Variants in MRPS27 observed in about 807,000 individuals in gnomAD.
The protein encoded by MRPS27 is mitochondrial ribosomal protein S27.
Under a neutral mutation model 48.9 loss-of-function variants are expected in MRPS27, and 43 were observed. The ratio of observed to expected loss-of-function variants is 0.88; its 90% confidence interval spans 0.69 to 1.13. The LOEUF (loss-of-function observed/expected upper bound fraction) is 1.13. MRPS27 is among the 50% of genes most tolerant of loss of function. The pLI is 0.00. For missense variants in MRPS27, 467 were observed against 476.3 expected (o/e 0.98, Z 0.18); for synonymous variants, 188 against 171.9 (o/e 1.09, Z -0.73).
intron 1 of MRPS27, among the ~76,000 whole-genome samples, chr5:72,317,077 G>A (rs535032629): frequency 1.3e-5 from 2 of 150,944 alleles, no homozygotes; most frequent in Admixed American, 6.6e-5. Flanking sequence ...ATTATGCTGA[G>A]GTCACAGCAG....
chr5:72,295,433 T>C, intron 4 of MRPS27, 98 bp downstream of exon 4: 1 of 832,962 alleles, frequency 1.2e-6, no homozygotes, highest in African/African-American at 1.7e-5. Flanking sequence ...AATATAAACT[T>C]AGAAGGTGTC....
intron 9 of MRPS27, among the ~76,000 whole-genome samples, chr5:72,224,683 A>G (rs1366038493): frequency 2.6e-5 from 4 of 152,228 alleles, no homozygotes; most frequent in Non-Finnish European, 5.9e-5. Context: ...TGTAATCCAC[A>G]TAAGCTGCTG....
Position 72,258,083 on chromosome 5 carries a change from C to CAA in MRPS27, c.282-19957_282-19956dup, listed in dbSNP as rs1030737219. Among the ~76,000 whole-genome samples the CAA allele has an allele frequency of 2.1e-3, 128 of 61,130 alleles. 2 individuals carry two copies. The highest frequency in any genetic ancestry group is 4.1e-3 in the African/African-American group (70 of 17,132). 40.1% of individuals were successfully genotyped at this position (61,130 alleles called of 152,430 possible). ...TGGACAACAGAGCGAGACTCTGTCTCAAAAAAAAAAAAAAAAAAAAGAATT... is the reference window on the plus strand; with the variant it reads ...TGGACAACAGAGCGAGACTCTGTCTCAAAAAAAAAAAAAAAAAAAAAAGAATT... On this transcript the variant is annotated intron_variant, in intron 4 of 10. Coordinates refer to ENST00000261413, the MANE Select transcript of MRPS27 (RefSeq NM_015084.3).
chr5:72,303,118 T>C (rs927035272), intron 2 of MRPS27, among the ~76,000 whole-genome samples: 1 of 152,214 alleles, frequency 6.6e-6, no homozygotes, highest in South Asian at 2.1e-4. Context: ...ATTTGGGGTA[T>C]AGGGCCAGAA....
chr5:72,237,601 A>G (rs982679083), intron 5 of MRPS27, among the ~76,000 whole-genome samples: 2 of 152,194 alleles, frequency 1.3e-5, no homozygotes, highest in African/African-American at 4.8e-5. Flanking sequence ...TGTAACAGTC[A>G]GAAAGATCCT....
intron 7 of MRPS27, among the ~76,000 whole-genome samples, chr5:72,231,840 C>A (rs543526529): frequency 6.6e-6 from 1 of 152,252 alleles, no homozygotes; most frequent in South Asian, 2.1e-4. Context: ...CATCTCTAGG[C>A]CCCAGTCTCC....
chr5:72,262,939 G>A (rs1050172920), intron 4 of MRPS27, among the ~76,000 whole-genome samples: 4 of 151,984 alleles, frequency 2.6e-5, no homozygotes, highest in African/African-American at 9.7e-5. Context: ...CCAGCCCCAA[G>A]TGAGAGATTT....
chr5:72,235,770 C>T (rs1332716858), intron 5 of MRPS27, among the ~76,000 whole-genome samples: 1 of 152,166 alleles, frequency 6.6e-6, no homozygotes, highest in East Asian at 1.9e-4. Context: ...ATAAATCCTT[C>T]CTTCCTAGAA....
At chr5:72,236,817 G>A (rs748479179) in intron 5 of MRPS27, among the ~76,000 whole-genome samples, 13 of 152,042 alleles carry the variant, frequency 8.6e-5, no homozygotes, top group Non-Finnish European at 1.8e-4. Context: ...ATCTTTTGGT[G>A]ACCATCTTAA....
At chr5:72,235,061 C>T (rs1335984140) in intron 5 of MRPS27, among the ~76,000 whole-genome samples, 2 of 152,076 alleles carry the variant, frequency 1.3e-5, no homozygotes, top group African/African-American at 4.8e-5. Context: ...GTCCTAACCC[C>T]CAACTGAATC....
chr5:72,247,255 G>C (rs139338010), intron 4 of MRPS27, among the ~76,000 whole-genome samples: 1 of 152,198 alleles, frequency 6.6e-6, no homozygotes, highest in East Asian at 1.9e-4. Flanking sequence ...AAATACACTT[G>C]AACTCTGGAC....
chr5:72,318,789 GA>G (rs11384406), intron 1 of MRPS27, among the ~76,000 whole-genome samples: 11 of 142,250 alleles, frequency 7.7e-5, no homozygotes, highest in Admixed American at 2.1e-4. Flanking sequence ...AACGAAACCC[GA>G]AAAAAAAAAA....
chr5:72,226,007 T>A (rs372784982), intron 9 of MRPS27, 50 bp downstream of exon 9: 13 of 1,574,898 alleles, frequency 8.3e-6, no homozygotes, highest in Non-Finnish European at 9.5e-6. Flanking sequence ...AAGCTCAGGT[T>A]ATGGGAAACA....
intron 6 of MRPS27, 90 bp downstream of exon 6, chr5:72,234,029 G>A: frequency 7.7e-7 from 1 of 1,298,112 alleles, no homozygotes; most frequent in Non-Finnish European, 1.0e-6. Context: ...ATGTTATTAA[G>A]AAATAAAAAA....
chr5:72,308,229 C>T (rs922855628), intron 2 of MRPS27, among the ~76,000 whole-genome samples: 6 of 152,224 alleles, frequency 3.9e-5, no homozygotes, highest in Non-Finnish European at 7.3e-5. Flanking sequence ...AGAGAGGGGG[C>T]ACCGGAACCG....
chr5:72,300,993 G>T (rs1369132181), intron 2 of MRPS27, among the ~76,000 whole-genome samples: 1 of 152,166 alleles, frequency 6.6e-6, no homozygotes, highest in Admixed American at 6.5e-5. Flanking sequence ...ATCAAAGGAA[G>T]AAAAGGAAGA....
chr5:72,313,002 A>G (rs1750479886), intron 2 of MRPS27, among the ~76,000 whole-genome samples: 1 of 152,212 alleles, frequency 6.6e-6, no homozygotes, highest in African/African-American at 2.4e-5. Context: ...AGAGTATGAT[A>G]AAGTACTTGT....
At chr5:72,311,358 G>C (rs769998242) in intron 2 of MRPS27, among the ~76,000 whole-genome samples, 2 of 152,140 alleles carry the variant, frequency 1.3e-5, no homozygotes, top group Non-Finnish European at 2.9e-5. Context: ...AAAAACAAAT[G>C]AATCAAAATG....
chr5:72,320,092 G>A, intron 1 of MRPS27, 57 bp downstream of exon 1: 2 of 1,558,166 alleles, frequency 1.3e-6, no homozygotes, highest in Non-Finnish European at 1.8e-6. Context: ...AAAGCCCACC[G>A]CTCCCTTCAC....
Sources: gnomAD v4.1 joint callset for allele counts (sites outside exome capture counted in the v4.1 genomes callset) on GRCh38, gnomAD v4.1.1 for gene constraint, MANE v1.5 for transcripts, NCBI Gene and HGNC (gene_info 2026-07-23, HGNC 2026-07-21) for gene names.